WIF1: variants seen among roughly 807,000 people sequenced by gnomAD.
The protein encoded by WIF1 is Wnt inhibitory factor 1.
In WIF1, 35 loss-of-function variants were observed where a neutral mutation model predicts 53.5. The ratio of observed to expected loss-of-function variants is 0.65; its 90% CI spans 0.50 to 0.87. WIF1 has a LOEUF of 0.87. Ranked by LOEUF, WIF1 falls within the 40% of genes least tolerant of loss-of-function variation. The pLI, the probability that WIF1 is intolerant of heterozygous loss-of-function variation, is 0.00. For synonymous variants in WIF1, 171 were observed against 170.4 expected (o/e 1.00, Z -0.03); for missense variants, 467 against 476.8 (o/e 0.98, Z 0.19).
Position 65,056,041 on chromosome 12 carries a change from G to C in WIF1, c.912C>G (p.Leu304=), listed in dbSNP as rs1227919136. Residue 304 remains leucine, a synonymous_variant, in exon 8 of 10, where the codon CTC becomes CTG. Coordinates refer to ENST00000286574, the MANE Select transcript of WIF1 (RefSeq NM_007191.5). ...GTATGGGGTACTTACGCTTTGAACA[G>C]AGGTCTCCCTGGTAACCTTTGGAAC... ...CKCSKGYQGD[L]CSKPVCEPGC... is the part of the protein sequence containing the mutation. 3.1e-6 allele frequency: 5 copies of C among 1,613,898 alleles called. No homozygotes were observed. Among genetic ancestry groups the C allele is most frequent in the African/African-American group, 2.7e-5 (2 of 74,920 alleles).
chr12:65,111,597 G>C (rs995185814), intron 2 of WIF1, among the ~76,000 whole-genome samples: 1 of 152,122 alleles, frequency 6.6e-6, no homozygotes, highest in African/African-American at 2.4e-5. Flanking sequence ...CAGCTCTGGA[G>C]TTACTTTTCC....
At chr12:65,054,333 T>G (rs1436496046) in intron 9 of WIF1, among the ~76,000 whole-genome samples, 1 of 152,208 alleles carries the variant, frequency 6.6e-6, no homozygotes, top group South Asian at 2.1e-4. Flanking sequence ...GAAACTGTGT[T>G]GTTTTGTTAA....
chr12:65,072,615 C>T (rs184038371), intron 3 of WIF1, among the ~76,000 whole-genome samples: 1 of 152,250 alleles, frequency 6.6e-6, no homozygotes, highest in Admixed American at 6.5e-5. Context: ...CACACATGCA[C>T]ATACCTGCAC....
Position 65,120,558 on chromosome 12 carries a change from T to C in WIF1, c.149-2A>G. On this transcript the variant is annotated splice_acceptor_variant, in intron 1 of 9. Transcript: ENST00000286574. LOFTEE classifies it high-confidence loss of function. Reference sequence around the variant, plus strand: ...CAATCAGGATATCTTCTTCAAATCCTGGTTTTTAAAATAATAAAACGATCA... The same window carrying C: ...CAATCAGGATATCTTCTTCAAATCCCGGTTTTTAAAATAATAAAACGATCA... 1 of 1,603,344 alleles carries C rather than the reference T, an allele frequency of 6.2e-7. No homozygotes were observed. The highest frequency in any genetic ancestry group is 8.5e-7 in the Non-Finnish European group (1 of 1,177,412).
intron 3 of WIF1, among the ~76,000 whole-genome samples, chr12:65,073,903 T>C (rs968862224): frequency 3.3e-5 from 5 of 152,092 alleles, no homozygotes; most frequent in African/African-American, 4.8e-5. Context: ...GAGTTGTATA[T>C]GCAAAGGATG....
At chr12:65,117,717 A>G (rs572485995) in intron 2 of WIF1, among the ~76,000 whole-genome samples, 13 of 152,188 alleles carry the variant, frequency 8.5e-5, no homozygotes, top group Non-Finnish European at 1.8e-4. Flanking sequence ...TATGGAGGTG[A>G]TGGGAGACAG....
At chr12:65,070,306 A>G (rs1368074356) in intron 3 of WIF1, among the ~76,000 whole-genome samples, 1 of 152,184 alleles carries the variant, frequency 6.6e-6, no homozygotes, top group South Asian at 2.1e-4. Context: ...ATGAAAAGGA[A>G]ACACAGATAT....
intron 2 of WIF1, among the ~76,000 whole-genome samples, chr12:65,119,050 A>G (rs1883555881): frequency 6.6e-6 from 1 of 152,226 alleles, no homozygotes; most frequent in Non-Finnish European, 1.5e-5. Context: ...TATAGAATTA[A>G]TTGGCCACTT....
intron 2 of WIF1, among the ~76,000 whole-genome samples, chr12:65,088,850 G>A (rs1462595483): frequency 6.6e-6 from 1 of 151,676 alleles, no homozygotes; most frequent in Non-Finnish European, 1.5e-5. Flanking sequence ...GCATAGCTTC[G>A]ATGTTCATAT....
rs192675726 is a variant in WIF1 at position 65,076,091 on chromosome 12, G to A, written c.397+1655C>T. ...TTTGCTCTGTTGCCCTGGCTGGAGT[G>A]CAGTGGTGCAATCATAGCTCACTGC... On this transcript the variant is annotated intron_variant, in intron 3 of 9. Coordinates refer to ENST00000286574, the MANE Select transcript of WIF1 (RefSeq NM_007191.5). Among the ~76,000 whole-genome samples the A allele has an allele frequency of 9.9e-4, 150 of 152,192 alleles. 1 individual carries two copies. The highest frequency in any genetic ancestry group is 3.3e-3 in the African/African-American group (139 of 41,522).
chr12:65,082,298 T>A (rs574349830), intron 2 of WIF1, among the ~76,000 whole-genome samples: 1 of 152,284 alleles, frequency 6.6e-6, no homozygotes, highest in East Asian at 1.9e-4. Context: ...GTAGATTTAT[T>A]ATTTAGATAA....
intron 2 of WIF1, among the ~76,000 whole-genome samples, chr12:65,102,918 A>G (rs1883302999): frequency 6.6e-6 from 1 of 152,360 alleles, no homozygotes; most frequent in Non-Finnish European, 1.5e-5. Context: ...AGAGTTTCTG[A>G]AAGAATGGAT....
rs773256390 is a variant in WIF1, at chr12:65,051,356, A to C, written c.1133T>G (p.Ile378Ser). ...ERRDPPESNY[I>S]W ...CGTTTCAGATGTCGGAGTTCACCAG[A>C]TGTAATTGGATTCAGGTGGATCCCG... The change falls in exon 10 of 10, where the codon ATC becomes AGC. Residue 378 changes from isoleucine (I) to serine (S), a missense_variant. Physicochemically the swap from Ile to Ser is moderately radical, Grantham distance 142 (BLOSUM62 -2). Coordinates refer to ENST00000286574, the MANE Select transcript of WIF1 (RefSeq NM_007191.5). 29 of 1,613,232 alleles carry C rather than the reference A, an allele frequency of 1.8e-5. No individual in the cohort carries two copies. Among genetic ancestry groups the C allele is most frequent in the Non-Finnish European group, 2.2e-5 (26 of 1,179,664 alleles).
At chr12:65,063,476 A>T (rs540034225) in intron 6 of WIF1, among the ~76,000 whole-genome samples, 60 of 152,302 alleles carry the variant, frequency 3.9e-4, no homozygotes, top group African/African-American at 1.4e-3. Flanking sequence ...AAAATTGGCC[A>T]AAATTGGCTA....
intron 9 of WIF1, among the ~76,000 whole-genome samples, chr12:65,052,643 A>T (rs1489332114): frequency 6.6e-6 from 1 of 152,220 alleles, no homozygotes; most frequent in East Asian, 1.9e-4. Context: ...TAGCTAATGT[A>T]CAAAATGGCT....
At chr12:65,077,698 A>G in intron 3 of WIF1, 48 bp downstream of exon 3, 1 of 1,327,760 alleles carries the variant, frequency 7.5e-7, no homozygotes, top group Middle Eastern at 1.8e-4. Flanking sequence ...TATTCTTATC[A>G]TCATTACATT....
In WIF1 at chr12:65,051,326, T is replaced by G. The variant is rs1160350703; in HGVS notation, c.*23A>C. On this transcript the variant is annotated 3_prime_UTR_variant, in exon 10 of 10. Coordinates refer to ENST00000286574, the MANE Select transcript of WIF1 (RefSeq NM_007191.5). ...CAAAGGCTATGAACTTGGTGTAACTTAAAACGTTTCAGATGTCGGAGTTCA... is the reference window on the plus strand; with the variant it reads ...CAAAGGCTATGAACTTGGTGTAACTGAAAACGTTTCAGATGTCGGAGTTCA... 1 of 1,607,852 alleles carries G rather than the reference T, an allele frequency of 6.2e-7. No individual in the cohort carries two copies. Among genetic ancestry groups the G allele is most frequent in the Non-Finnish European group, 8.5e-7 (1 of 1,177,612 alleles).
intron 2 of WIF1, among the ~76,000 whole-genome samples, chr12:65,106,448 C>T (rs552452352): frequency 2.0e-5 from 3 of 151,464 alleles, no homozygotes; most frequent in Non-Finnish European, 2.9e-5. Context: ...TGATGTGCCT[C>T]GGCCCCCCAG....
At chr12:65,088,286 T>C (rs937418838) in intron 2 of WIF1, among the ~76,000 whole-genome samples, 1 of 152,150 alleles carries the variant, frequency 6.6e-6, no homozygotes, top group African/African-American at 2.4e-5. Flanking sequence ...TCAACTGATG[T>C]CAATATCCAC....
Sources: allele counts gnomAD v4.1 joint callset (sites outside exome capture counted in the v4.1 genomes callset), GRCh38; gene constraint gnomAD v4.1.1; transcripts MANE v1.5; gene names NCBI Gene and HGNC (gene_info 2026-07-23, HGNC 2026-07-21).